The following EYS variants were observed in gnomAD, a reference collection of about 807,000 sequenced individuals.
The protein encoded by EYS is EGF-like photoreceptor maintenance factor.
EYS carries 250 observed loss-of-function variants against 282.1 expected under a neutral mutation model. The observed-to-expected ratio is 0.89, with a 90% CI of 0.80 to 0.98. The LOEUF is 0.98. Among genes scored for constraint, EYS ranks in the 50% least tolerant of loss-of-function variants. EYS has a pLI of 0.00. For missense variants in EYS, 4,016 were observed against 3,709.0 expected (o/e 1.08, Z -2.15); for synonymous variants, 1,355 against 1,282.9 (o/e 1.06, Z -1.20).
intron 13 of EYS, among the ~76,000 whole-genome samples, chr6:65,045,691 T>C (rs1183134258): frequency 6.6e-6 from 1 of 151,806 alleles, no homozygotes; most frequent in Non-Finnish European, 1.5e-5. Flanking sequence ...CCATGACAAA[T>C]ATGTTTGTTG....
intron 35 of EYS, among the ~76,000 whole-genome samples, chr6:63,981,166 T>C (rs774195229): frequency 4.0e-5 from 6 of 151,818 alleles, no homozygotes; most frequent in Non-Finnish European, 8.8e-5. Context: ...TGGGAGTCTA[T>C]GTTCTCCTTC....
chr6:65,702,722 A>G (rs937858363), intron 1 of EYS, among the ~76,000 whole-genome samples: 19 of 151,590 alleles, frequency 1.3e-4, no homozygotes, highest in Admixed American at 8.6e-4. Flanking sequence ...ATAAATAAAT[A>G]ATAAAATAAA....
rs1349129008 is a variant in EYS, at chr6:64,275,449, T to C, written c.6191+31521A>G. 6.1e-5 allele frequency among the ~76,000 whole-genome samples: 5 copies of C among 82,206 alleles called. No homozygotes were observed. The East Asian group carries it at 1.3e-3, about 22-fold the overall frequency. The allele number at this position is 82,206 out of a possible 152,430, so 53.9% of individuals were successfully genotyped here. ...CAAATGCACACTTATCATGTTCTAT[T>C]TCTTTTTTTTTTTTTCTTGAGACGG... is the stretch of plus-strand genomic sequence containing the variant. On this transcript the variant is annotated intron_variant, in intron 30 of 42. Coordinates refer to ENST00000503581, the MANE Select transcript of EYS (RefSeq NM_001142800.2).
rs59057058 is a variant in EYS at position 65,006,503 on chromosome 6, C to CAAAAAAAAAAAAAAAAAAAAAAAAAA, written c.2138-8801_2138-8800insTTTTTTTTTTTTTTTTTTTTTTTTTT. Among the ~76,000 whole-genome samples, 2 of 83,300 alleles carry CAAAAAAAAAAAAAAAAAAAAAAAAAA rather than the reference C, an allele frequency of 2.4e-5. 1 individual carries two copies. The highest frequency in any genetic ancestry group is 4.3e-5 in the Non-Finnish European group (2 of 46,070). The allele number at this position is 83,300 out of a possible 152,430, so 54.6% of individuals were successfully genotyped here. A position where few individuals can be genotyped will look rare whatever the true frequency, so the allele number is the denominator to read the frequency against. On this transcript the variant is annotated intron_variant, in intron 13 of 42. Transcript: ENST00000503581. ...TCACCAGTTCAGAGTTATTCTAAGTCAAAAAAAAAAAAAAAAAAAAGCAAA... is the reference window on the plus strand; with the variant it reads ...TCACCAGTTCAGAGTTATTCTAAGTCAAAAAAAAAAAAAAAAAAAAAAAAAAAAAAAAAAAAAAAAAAAAAAGCAAA...
chr6:65,167,863 C>T (rs1182084842), intron 12 of EYS, among the ~76,000 whole-genome samples: 2 of 151,224 alleles, frequency 1.3e-5, no homozygotes, highest in African/African-American at 4.8e-5. Context: ...ATTATCAATT[C>T]CCATACCTTC....
At chr6:64,455,902 G>A (rs1775544968) in intron 26 of EYS, among the ~76,000 whole-genome samples, 1 of 152,028 alleles carries the variant, frequency 6.6e-6, no homozygotes, top group African/African-American at 2.4e-5. Flanking sequence ...TTACTGATAT[G>A]ATTATACTGT....
chr6:64,157,391 A>G (rs13190948), intron 31 of EYS, among the ~76,000 whole-genome samples: 33,299 of 152,150 alleles, frequency 0.22, 4,541 homozygotes, highest in East Asian at 0.45. Context: ...AGAAAAACCC[A>G]TTTTCTGAGG....
At chr6:64,758,612 A>C (rs1386872717) in intron 22 of EYS, among the ~76,000 whole-genome samples, 2 of 152,208 alleles carry the variant, frequency 1.3e-5, no homozygotes, top group African/African-American at 2.4e-5. Context: ...TAAGGACACA[A>C]ACCCAGTTTT....
chr6:65,694,155 G>A (rs1352480821), intron 1 of EYS, among the ~76,000 whole-genome samples: 1 of 150,262 alleles, frequency 6.7e-6, no homozygotes, highest in Non-Finnish European at 1.5e-5. Context: ...CTACTCAGGA[G>A]GCTGAGGCAG....
At chr6:64,967,351 G>T (rs1770133568) in intron 14 of EYS, among the ~76,000 whole-genome samples, 2 of 150,784 alleles carry the variant, frequency 1.3e-5, no homozygotes, top group South Asian at 4.2e-4. Context: ...TTAAGACAGA[G>T]TCTCACTCTG....
chr6:64,453,193 G>A lies in EYS; in HGVS notation c.5645-13841C>T, dbSNP rs564664902. ...CAAACAACCCCATCAAAAAGTGGAC[G>A]AAGGATATGAACAGACACTTCTCAA... On this transcript the variant is annotated intron_variant, in intron 26 of 42. Transcript: ENST00000503581. Among the ~76,000 whole-genome samples the A allele has an allele frequency of 5.8e-3, 870 of 151,220 alleles. 6 individuals carry two copies. The highest frequency in any genetic ancestry group is 0.02 in the African/African-American group (828 of 40,564).
intron 31 of EYS, among the ~76,000 whole-genome samples, chr6:64,120,343 G>A (rs1414020967): frequency 1.6e-5 from 2 of 125,012 alleles, no homozygotes; most frequent in Non-Finnish European, 3.2e-5. Context: ...GTGACAGAGC[G>A]AGACTCCATC....
At chr6:63,979,601 T>C (rs979794579) in intron 35 of EYS, among the ~76,000 whole-genome samples, 6 of 151,962 alleles carry the variant, frequency 3.9e-5, no homozygotes, top group African/African-American at 1.4e-4. Context: ...TTTTAATTAC[T>C]GTTTAACTTA....
chr6:65,323,324 A>G (rs1769529421), intron 11 of EYS, among the ~76,000 whole-genome samples: 1 of 146,260 alleles, frequency 6.8e-6, no homozygotes, highest in Non-Finnish European at 1.5e-5. Context: ...AAAATGAACC[A>G]TAAAAGCTGG....
chr6:64,470,777 C>CA (rs1434841375), intron 26 of EYS, among the ~76,000 whole-genome samples: 1 of 151,298 alleles, frequency 6.6e-6, no homozygotes, highest in Non-Finnish European at 1.5e-5. Context: ...CTAACACTGA[C>CA]AAAAACAAAG....
intron 33 of EYS, among the ~76,000 whole-genome samples, chr6:64,056,495 C>T (rs1770989666): frequency 3.3e-5 from 5 of 152,184 alleles, no homozygotes; most frequent in Non-Finnish European, 1.5e-5. Flanking sequence ...CTATATAATC[C>T]CATTCTAAGA....
chr6:65,001,533 G>T (rs1047852506), intron 13 of EYS, among the ~76,000 whole-genome samples: 2 of 147,648 alleles, frequency 1.4e-5, no homozygotes, highest in African/African-American at 4.9e-5. Context: ...ATCTGGGTAC[G>T]GGCTAGGGAG....
chr6:65,033,164 G>T (rs1263551238), intron 13 of EYS, among the ~76,000 whole-genome samples: 1 of 152,104 alleles, frequency 6.6e-6, no homozygotes, highest in Non-Finnish European at 1.5e-5. Flanking sequence ...TAACAACCTA[G>T]CTCAGATGTG....
intron 23 of EYS, among the ~76,000 whole-genome samples, chr6:64,619,460 T>G (rs1562095371): frequency 6.6e-6 from 1 of 151,966 alleles, no homozygotes; most frequent in African/African-American, 2.4e-5. Flanking sequence ...AGCAGGAACA[T>G]TTTTAAAGGC....
Sources: allele counts gnomAD v4.1 joint callset (sites outside exome capture counted in the v4.1 genomes callset), GRCh38; gene constraint gnomAD v4.1.1; transcripts MANE v1.5; gene names NCBI Gene and HGNC (gene_info 2026-07-23, HGNC 2026-07-21).